Variants in LY75 observed in about 807,000 individuals in gnomAD.
LY75 encodes the protein lymphocyte antigen 75, also known as C-type lectin domain family 13 member B.
In LY75, 185 loss-of-function variants were observed where a neutral mutation model predicts 231.7. That is an observed-to-expected ratio of 0.80 (90% CI 0.71 to 0.90). The LOEUF (loss-of-function observed/expected upper bound fraction) is 0.90. Ranked by LOEUF, LY75 falls within the 40% of genes least tolerant of loss-of-function variation. LY75 has a pLI of 0.00. For synonymous variants in LY75, 668 were observed against 689.0 expected (o/e 0.97, Z 0.48); for missense variants, 1,947 against 2,050.2 (o/e 0.95, Z 0.97).
chr2:159,814,662 AAAAAG>A (rs1560062517), intron 31 of LY75, among the ~76,000 whole-genome samples: 3 of 150,734 alleles, frequency 2.0e-5, no homozygotes, highest in African/African-American at 7.3e-5. Flanking sequence ...TCAAAAAAAA[AAAAAG>A]AAAAAGAAAA....
chr2:159,839,203 T>C (rs944331138), intron 25 of LY75, among the ~76,000 whole-genome samples: 3 of 152,348 alleles, frequency 2.0e-5, no homozygotes, highest in South Asian at 2.1e-4. Context: ...TGTTTTTCCA[T>C]CCATTCTTCA....
chr2:159,805,516 C>T (rs978141887), intron 34 of LY75, among the ~76,000 whole-genome samples: 1 of 152,240 alleles, frequency 6.6e-6, no homozygotes, highest in Non-Finnish European at 1.5e-5. Flanking sequence ...CACATTCCCC[C>T]TTCCTAACAC....
In LY75 at chr2:159,815,471, C is replaced by T; in HGVS notation, c.4483G>A (p.Gly1495Arg). ...TTGCATTTTTCATGTTTCCAAGTTC[C>T]TTTTGGATCCAAGAGAACACAATTT... ...PGNCVLLDPK[G>R]TWKHEKCNSV... Residue 1495 changes from glycine to arginine, a missense_variant, in exon 31 of 35, where the codon GGA becomes AGA. Transcript: ENST00000263636. 11 of 1,613,576 alleles carry T rather than the reference C, an allele frequency of 6.8e-6. No individual in the cohort carries two copies. The highest frequency in any genetic ancestry group is 8.5e-6 in the Non-Finnish European group (10 of 1,179,882).
chr2:159,854,829 A>C (rs1042569830), intron 17 of LY75, 75 bp downstream of exon 17: 2 of 1,576,678 alleles, frequency 1.3e-6, no homozygotes. Flanking sequence ...AGAAGCTGGC[A>C]CTTAAATAAT....
At chr2:159,849,655 CA>C (rs772115301) in intron 23 of LY75, among the ~76,000 whole-genome samples, 6 of 152,140 alleles carry the variant, frequency 3.9e-5, no homozygotes, top group Non-Finnish European at 4.4e-5. Context: ...AGCTATAATT[CA>C]TATATGAGAC....
chr2:159,846,206 A>G (rs2125850626), intron 23 of LY75, among the ~76,000 whole-genome samples: 1 of 151,364 alleles, frequency 6.6e-6, no homozygotes, highest in Non-Finnish European at 1.5e-5. Context: ...GTAACATGCT[A>G]TCAGAAAGGG....
chr2:159,860,907 G>T lies in LY75; in HGVS notation c.2200-18C>A, dbSNP rs1157805940. 1.9e-6 allele frequency: 3 copies of T among 1,613,530 alleles called. No homozygotes were observed. The African/African-American group carries it at 4.0e-5, about 22-fold the overall frequency. On this transcript the variant is annotated intron_variant, in intron 14 of 34. Transcript: ENST00000263636. ...GTAGACACCTGAAAAGACAAGAGAG[G>T]CTTGAGAATTTAAGACTGATGTATA...
rs576350143 is a variant in LY75 at position 159,812,203 on chromosome 2, C to G, written c.4550-1528G>C. On this transcript the variant is annotated intron_variant, in intron 31 of 34. Transcript: ENST00000263636. ...TGCCTTATCTTTGGTCTATTTGTTT[C>G]TAGTATAGTCTGCAACTGGGGTCTC... The G allele has an allele frequency of 1.4e-3, 206 of 149,864 alleles. 1 individual carries two copies. The highest frequency in any genetic ancestry group is 4.9e-3 in the African/African-American group (200 of 40,702). 9.3% of individuals were successfully genotyped at this position (149,864 alleles called of 1,614,324 possible). A position where few individuals can be genotyped will look rare whatever the true frequency, so the allele number is the denominator to read the frequency against.
At chr2:159,816,744 C>T in intron 30 of LY75, 62 bp downstream of exon 30, 1 of 1,593,716 alleles carries the variant, frequency 6.3e-7, no homozygotes, top group Non-Finnish European at 8.6e-7. Context: ...ACTTTACGCT[C>T]AAATTTCTAA....
At position 159,832,670 on chromosome 2, in the gene LY75, A is replaced by G. The variant is rs566802056; in HGVS notation, c.3842-884T>C. 1.4e-4 allele frequency among the ~76,000 whole-genome samples: 21 copies of G among 152,348 alleles called. No homozygotes were observed. The South Asian group carries it at 4.3e-3, about 32-fold the overall frequency. On this transcript the variant is annotated intron_variant, in intron 27 of 34. Transcript: ENST00000263636. ...CAAAATTAAACTAGTTTATGCCAGT[A>G]TTTCTTAAGGCATATGTTAATGTAC...
chr2:159,864,692 T>C, intron 14 of LY75, 147 bp downstream of exon 14: 1 of 757,214 alleles, frequency 1.3e-6, no homozygotes, highest in Non-Finnish European at 1.9e-6. Flanking sequence ...TCCAGCTTTA[T>C]TCTTTTTGCT....
chr2:159,902,164 T>C (rs1030187857), intron 1 of LY75, among the ~76,000 whole-genome samples: 1 of 152,244 alleles, frequency 6.6e-6, no homozygotes, highest in African/African-American at 2.4e-5. Context: ...AATAGCTTTC[T>C]ACTGGGTTTT....
At chr2:159,828,533 C>T (rs1215173401) in intron 28 of LY75, among the ~76,000 whole-genome samples, 1 of 152,064 alleles carries the variant, frequency 6.6e-6, no homozygotes, top group East Asian at 1.9e-4. Context: ...TCAGTACTCT[C>T]ATATACCGGG....
At position 159,868,263 on chromosome 2, in the gene LY75, T is replaced by A. The variant is rs543770040; in HGVS notation, c.2118-3343A>T. Among the ~76,000 whole-genome samples, 5 of 152,164 alleles carry A rather than the reference T, an allele frequency of 3.3e-5. No individual in the cohort carries two copies. In the East Asian group the frequency reaches 9.6e-4, roughly 29 times the overall value. On this transcript the variant is annotated intron_variant, in intron 13 of 34. Transcript: ENST00000263636. ...ACAAATAAAATACAGTTCCTATAAG[T>A]GAAGGGATTAAGGAGATTTGTTTTT...
At chr2:159,871,570 G>C (rs758734934) in intron 13 of LY75, among the ~76,000 whole-genome samples, 1 of 152,032 alleles carries the variant, frequency 6.6e-6, no homozygotes, top group Non-Finnish European at 1.5e-5. Context: ...TATAGTCTTA[G>C]AGCTGGATAA....
chr2:159,816,994 A>G lies in LY75; in HGVS notation c.4192T>C (p.Phe1398Leu). The G allele has an allele frequency of 6.2e-7, 1 of 1,614,100 alleles. No individual in the cohort carries two copies. Among genetic ancestry groups the G allele is most frequent in the Non-Finnish European group, 8.5e-7 (1 of 1,179,974 alleles). The stretch of plus-strand genomic sequence containing the variant: ...TAAATACCATCTTCATATGGCATAA[A>G]CTGTGGCAGTGTAGTATTATATTCT... ...KEEYNTTLPQ[F>L]MPYEDGIYSV... is the part of the protein sequence containing the mutation. The change falls in exon 30 of 35, where the codon TTT (phenylalanine) becomes CTT (leucine). Residue 1398 changes from phenylalanine (F) to leucine (L), a missense_variant. Physicochemically the swap from Phe to Leu is conservative, Grantham distance 22. Transcript: ENST00000263636.
intron 11 of LY75, among the ~76,000 whole-genome samples, chr2:159,876,957 C>T (rs891200621): frequency 2.3e-5 from 3 of 128,772 alleles, no homozygotes; most frequent in African/African-American, 6.0e-5. Flanking sequence ...TACAGTGAGC[C>T]GAGATCGAGC....
In LY75 at chr2:159,815,531, C is replaced by T; in HGVS notation, c.4423G>A (p.Asp1475Asn). ...GTTTGGCCTTTCCATGGGATATAGTCAAATGTACTACCATCAGACCATTCA... is the reference window on the plus strand; with the variant it reads ...GTTTGGCCTTTCCATGGGATATAGTTAAATGTACTACCATCAGACCATTCA... ...SFEWSDGSTF[D>N]YIPWKGQTSP... is the part of the protein sequence containing the mutation. Residue 1475 changes from aspartate (D) to asparagine (N), a missense_variant, in exon 31 of 35, where the codon GAC (aspartate) becomes AAC (asparagine). Physicochemically the swap from Asp to Asn is conservative, Grantham distance 23 (BLOSUM62 1). Coordinates refer to ENST00000263636, the MANE Select transcript of LY75 (RefSeq NM_002349.4). 1.9e-6 allele frequency: 3 copies of T among 1,613,806 alleles called. No individual in the cohort carries two copies. Among genetic ancestry groups the T allele is most frequent in the Middle Eastern group, 1.7e-4 (1 of 6,060 alleles).
At chr2:159,824,059 G>C (rs1389610796) in intron 28 of LY75, among the ~76,000 whole-genome samples, 1 of 149,904 alleles carries the variant, frequency 6.7e-6, no homozygotes, top group African/African-American at 2.4e-5. Flanking sequence ...AAAACAATCA[G>C]CTAGCATCAT....
Sources: allele counts gnomAD v4.1 joint callset (sites outside exome capture counted in the v4.1 genomes callset), GRCh38; gene constraint gnomAD v4.1.1; transcripts MANE v1.5; gene names NCBI Gene and HGNC (gene_info 2026-07-23, HGNC 2026-07-21).